The following GAS6 variants were observed in gnomAD, a reference collection of about 807,000 sequenced individuals.
GAS6 encodes the protein growth arrest specific 6, also known as growth arrest-specific protein 6.
Under a neutral mutation model 75.8 loss-of-function variants are expected in GAS6, and 41 were observed. The observed-to-expected ratio is 0.54, with a 90% CI of 0.42 to 0.70. The LOEUF is 0.70. GAS6 is among the 30% of genes least tolerant of loss of function. The pLI, the probability that GAS6 is intolerant of heterozygous loss-of-function variation, is 0.00. For missense variants in GAS6, 854 were observed against 940.2 expected (o/e 0.91, Z 1.20); for synonymous variants, 432 against 412.6 (o/e 1.05, Z -0.57).
chr13:113,832,843 G>C, intron 8 of GAS6, 91 bp from the exon 9 acceptor site: 1 of 1,594,654 alleles, frequency 6.3e-7, no homozygotes, highest in Non-Finnish European at 8.5e-7. Context: ...CGGGTCCACT[G>C]TCCCTCCTGT....
In GAS6 at chr13:113,832,553, G is replaced by C. The variant is rs2051642106; in HGVS notation, c.954-65C>G. 19 of 1,599,486 alleles carry C rather than the reference G, an allele frequency of 1.2e-5. No homozygotes were observed. The South Asian group carries it at 1.5e-4, about 12-fold the overall frequency. ...GGCAGATGCCCGGCCCCTCCCTGCT[G>C]GCCGAACCCTGGCCCGGGCCCTGTG... is the stretch of plus-strand genomic sequence containing the variant. On this transcript the variant is annotated intron_variant, in intron 9 of 14. Coordinates refer to ENST00000327773, the MANE Select transcript of GAS6 (RefSeq NM_000820.4).
rs1566369569 is a variant in GAS6 at position 113,845,576 on chromosome 13, TAAA to T, written c.343+948_343+950del. 1 of 150,178 alleles carries T rather than the reference TAAA, an allele frequency of 6.7e-6. No individual in the cohort carries two copies. The highest frequency in any genetic ancestry group is 6.6e-5 in the Admixed American group (1 of 15,200). 9.3% of individuals were successfully genotyped at this position (150,178 alleles called of 1,614,324 possible). A position where few individuals can be genotyped will look rare whatever the true frequency, so the allele number is the denominator to read the frequency against. Reference sequence around the variant, plus strand: ...TTATTGCATGATAATTTTAAAATAATAAAAAAGACTTGTGGCAAGCTGAAAAAA... The same window carrying T: ...TTATTGCATGATAATTTTAAAATAATAAAGACTTGTGGCAAGCTGAAAAAA... On this transcript the variant is annotated intron_variant, in intron 4 of 14. Transcript: ENST00000327773. The surrounding 1 kb of genome is among the most constrained non-coding windows in gnomAD (Gnocchi z 4.3).
At chr13:113,846,179 T>A (rs563476993) in intron 4 of GAS6, among the ~76,000 whole-genome samples, 19 of 151,626 alleles carry the variant, frequency 1.3e-4, no homozygotes, top group African/African-American at 4.6e-4. Context: ...GCCACGCGTG[T>A]GAAGAGCGGA....
intron 2 of GAS6, among the ~76,000 whole-genome samples, chr13:113,854,533 C>T (rs777689719): frequency 4.6e-5 from 7 of 152,238 alleles, no homozygotes; most frequent in Non-Finnish European, 7.3e-5. Context: ...GAGCATGCTC[C>T]CGACAGCCCC....
At chr13:113,846,824 G>A (rs1458058929) in intron 3 of GAS6, 9 of 558,362 alleles carry the variant, frequency 1.6e-5, no homozygotes, top group East Asian at 6.3e-5. Context: ...AGTCAAGTGC[G>A]TAAAGCACCG....
In GAS6 at chr13:113,848,003, GTA is replaced by G. The variant is rs764007773; in HGVS notation, c.280+21_280+22del. On this transcript the variant is annotated intron_variant, in intron 3 of 14. Transcript: ENST00000327773. The surrounding 1 kb of genome is among the most constrained non-coding windows in gnomAD (Gnocchi z 4.8). ...CAACTATGCCTCTACGACAACCAGA[GTA>G]GAGAAGTAATTGAGACTTACCTAAG... 8 of 1,608,714 alleles carry G rather than the reference GTA, an allele frequency of 5.0e-6. No homozygotes were observed. The highest frequency in any genetic ancestry group is 6.8e-6 in the Non-Finnish European group (8 of 1,175,900).
rs765454169 is a variant in GAS6, at chr13:113,827,134, T to C, written c.1339A>G (p.Ser447Gly). 3.7e-6 allele frequency: 6 copies of C among 1,613,122 alleles called. No homozygotes were observed. The highest frequency in any genetic ancestry group is 5.1e-6 in the Non-Finnish European group (6 of 1,179,830). The change falls in exon 12 of 15, where the codon AGC (serine) becomes GGC (glycine). Residue 447 changes from serine (S) to glycine (G), a missense_variant. Ser to Gly is a moderately conservative substitution (Grantham distance 56). Coordinates refer to ENST00000327773, the MANE Select transcript of GAS6 (RefSeq NM_000820.4). Reference protein sequence around the residue: ...INPRLDGCMRSWNWLNGEDTT... With the variant: ...INPRLDGCMRGWNWLNGEDTT... ...TCTTCTCCGTTCAGCCAGTTCCAGC[T>C]CCTCATGCAGCCATCCAGACGAGGG...
At position 113,856,587 on chromosome 13, in the gene GAS6, C is replaced by G. The variant is rs1224006349; in HGVS notation, c.255+6988G>C. Among the ~76,000 whole-genome samples, 5 of 152,112 alleles carry G rather than the reference C, an allele frequency of 3.3e-5. No homozygotes were observed. In the South Asian group the frequency reaches 1.0e-3, roughly 32 times the overall value. On this transcript the variant is annotated intron_variant, in intron 2 of 14. Coordinates refer to ENST00000327773, the MANE Select transcript of GAS6 (RefSeq NM_000820.4). ...TGATGGATCTGAGAACGGGAGTGATCGGGAAGTGAACAGTTTCATCATCTG... is the reference window on the plus strand; with the variant it reads ...TGATGGATCTGAGAACGGGAGTGATGGGGAAGTGAACAGTTTCATCATCTG...
chr13:113,858,728 CATGT>C (rs2051938108), intron 2 of GAS6, among the ~76,000 whole-genome samples: 1 of 149,540 alleles, frequency 6.7e-6, no homozygotes, highest in Non-Finnish European at 1.5e-5. Context: ...TGAATGTGTG[CATGT>C]ATGTGTACAT....
chr13:113,840,126 A>C, intron 4 of GAS6: 1 of 445,636 alleles, frequency 2.2e-6, no homozygotes, highest in Middle Eastern at 6.0e-4. Context: ...GCTGAGGGCA[A>C]AGGAGCAGGA....
chr13:113,828,030 C>G (rs1335683838), intron 11 of GAS6, among the ~76,000 whole-genome samples: 1 of 152,196 alleles, frequency 6.6e-6, no homozygotes, highest in Admixed American at 6.5e-5. Context: ...AATCCCAGCA[C>G]TTTGGGAGGC....
rs1008695454 is a variant in GAS6 at position 113,820,928 on chromosome 13, G to A, written c.1973C>T (p.Ala658Val). The change falls in exon 15 of 15, where the codon GCG (alanine) becomes GTG (valine). Residue 658 changes from alanine (A) to valine (V), a missense_variant. Transcript: ENST00000327773. ...CGTGATGTCGCTGTGCTTGTACGCC[G>A]CCTCGTCCAGGTCCAGCAGCCTCCG... is the stretch of plus-strand genomic sequence containing the variant. ...VNRRLLDLDE[A>V]AYKHSDITAH... 15 of 1,612,356 alleles carry A rather than the reference G, an allele frequency of 9.3e-6. No individual in the cohort carries two copies. Among genetic ancestry groups the A allele is most frequent in the South Asian group, 2.2e-5 (2 of 91,074 alleles).
chr13:113,830,818 C>T (rs893141637), intron 10 of GAS6, among the ~76,000 whole-genome samples: 1 of 151,796 alleles, frequency 6.6e-6, no homozygotes, highest in Non-Finnish European at 1.5e-5. Flanking sequence ...ACCGCTCCCC[C>T]AGGCGACCTC....
chr13:113,832,261 C>A lies in GAS6; in HGVS notation c.1143+38G>T, dbSNP rs770495975. On this transcript the variant is annotated intron_variant, in intron 10 of 14. Coordinates refer to ENST00000327773, the MANE Select transcript of GAS6 (RefSeq NM_000820.4). Reference sequence around the variant, plus strand: ...CAGCTGAGTCTGGCTCAGGGAGAACCCCGTGAGGCCTGGAAGGGGTGGCTG... The same window carrying A: ...CAGCTGAGTCTGGCTCAGGGAGAACACCGTGAGGCCTGGAAGGGGTGGCTG... The A allele has an allele frequency of 5.7e-6, 9 of 1,583,042 alleles. No individual in the cohort carries two copies. In the South Asian group the frequency reaches 1.0e-4, roughly 18 times the overall value.
At chr13:113,825,944 G>C (rs1465661102) in intron 12 of GAS6, among the ~76,000 whole-genome samples, 1 of 152,198 alleles carries the variant, frequency 6.6e-6, no homozygotes, top group Non-Finnish European at 1.5e-5. Flanking sequence ...GAGATCTGAC[G>C]GAGGGGGCGC....
At chr13:113,827,776 C>T (rs748920184) in intron 11 of GAS6, among the ~76,000 whole-genome samples, 1 of 152,184 alleles carries the variant, frequency 6.6e-6, no homozygotes, top group Non-Finnish European at 1.5e-5. Context: ...CCCAGGATGA[C>T]GGCTTAGACG....
At chr13:113,829,563 C>A (rs578041868) in intron 10 of GAS6, among the ~76,000 whole-genome samples, 2 of 150,068 alleles carry the variant, frequency 1.3e-5, no homozygotes, top group East Asian at 3.9e-4. Flanking sequence ...TCAGAGAGAC[C>A]ACCTGATCCA....
At chr13:113,840,239 T>G in intron 4 of GAS6, 2 of 219,544 alleles carry the variant, frequency 9.1e-6, no homozygotes, top group East Asian at 1.6e-4. Flanking sequence ...ACATTCTGCC[T>G]TCCCTGGCCA....
chr13:113,839,693 A>G (rs1296328433), intron 5 of GAS6, 35 bp downstream of exon 5: 1 of 1,609,050 alleles, frequency 6.2e-7, no homozygotes, highest in South Asian at 1.1e-5. Flanking sequence ...TCGGAGATGG[A>G]GGGAGACCCC....
Sources: gnomAD v4.1 joint callset for allele counts (sites outside exome capture counted in the v4.1 genomes callset) on GRCh38, gnomAD v4.1.1 for gene constraint, Gnocchi (gnomAD v3.1) non-coding constraint, MANE v1.5 for transcripts, NCBI Gene and HGNC (gene_info 2026-07-23, HGNC 2026-07-21) for gene names.